The following AJAP1 variants were observed in gnomAD, a reference collection of about 807,000 sequenced individuals.
AJAP1 encodes the protein adherens junctions associated protein 1, also known as adherens junction-associated protein 1.
Under a neutral mutation model 35.0 loss-of-function variants are expected in AJAP1, and 5 were observed. That is an observed-to-expected ratio of 0.14 (90% CI 0.07 to 0.30). AJAP1 has a LOEUF of 0.30. Ranked by LOEUF, AJAP1 falls within the 10% of genes least tolerant of loss-of-function variation. AJAP1 has a pLI of 1.00. For missense variants in AJAP1, 586 were observed against 571.0 expected, an observed-to-expected ratio of 1.03 and a Z score of -0.27; for synonymous variants, 284 against 249.3, an observed-to-expected ratio of 1.14 and a Z score of -1.31.
At chr1:4,750,742 G>A (rs772070793) in intron 2 of AJAP1, among the ~76,000 whole-genome samples, 1 of 151,348 alleles carries the variant, frequency 6.6e-6, no homozygotes, top group South Asian at 2.1e-4. Context: ...TGTCACCTTG[G>A]GAAGAAGACC....
chr1:4,737,843 C>A (rs76988149), intron 2 of AJAP1, among the ~76,000 whole-genome samples: 13,143 of 152,240 alleles, frequency 0.086, 690 homozygotes, highest in South Asian at 0.17. Flanking sequence ...TTGAGGCTGC[C>A]GTGAACCATG....
intron 2 of AJAP1, among the ~76,000 whole-genome samples, chr1:4,732,813 G>A (rs1256365003): frequency 6.6e-6 from 1 of 152,250 alleles, no homozygotes; most frequent in Non-Finnish European, 1.5e-5. Context: ...AGACCAGAGA[G>A]GTGAGAGAAG....
intron 1 of AJAP1, among the ~76,000 whole-genome samples, chr1:4,659,783 G>A (rs1378029666): frequency 1.3e-5 from 2 of 152,276 alleles, no homozygotes; most frequent in Admixed American, 1.3e-4. Context: ...CCAAATTGAG[G>A]ACTAGCTAAA....
chr1:4,707,967 T>C (rs1489768386), intron 1 of AJAP1, among the ~76,000 whole-genome samples: 1 of 115,724 alleles, frequency 8.6e-6, no homozygotes, highest in Non-Finnish European at 1.8e-5. Flanking sequence ...CGGTACGTTT[T>C]TTTTTTGTTT....
rs567804140 is a variant in AJAP1 at position 4,778,812 on chromosome 1, C to T, written c.*60-3733C>T. Among the ~76,000 whole-genome samples the T allele has an allele frequency of 2.0e-5, 3 of 152,276 alleles. No homozygotes were observed. The South Asian group carries it at 6.2e-4, about 32-fold the overall frequency. On this transcript the variant is annotated intron_variant, in intron 5 of 5. Transcript: ENST00000378191. Reference sequence around the variant, plus strand: ...TCAGCATCTACCTGCAGGCAGTCCCCAGAGGTTGTTTCATGCCATTAGGGA... The same window carrying T: ...TCAGCATCTACCTGCAGGCAGTCCCTAGAGGTTGTTTCATGCCATTAGGGA...
At chr1:4,701,119 G>A (rs1221745049) in intron 1 of AJAP1, among the ~76,000 whole-genome samples, 1 of 152,212 alleles carries the variant, frequency 6.6e-6, no homozygotes, top group African/African-American at 2.4e-5. Context: ...AAGCACCTGC[G>A]AAGGCTGTCG....
chr1:4,758,753 T>C (rs925211678), intron 2 of AJAP1, among the ~76,000 whole-genome samples: 42 of 152,174 alleles, frequency 2.8e-4, no homozygotes, highest in African/African-American at 9.7e-4. Flanking sequence ...AACCCTGTGC[T>C]GGAGAGTGTG....
chr1:4,773,434 C>T (rs1337431875), intron 4 of AJAP1, among the ~76,000 whole-genome samples: 3 of 152,182 alleles, frequency 2.0e-5, no homozygotes, highest in Non-Finnish European at 2.9e-5. Context: ...GTTAATGTGT[C>T]TTTGTCCTGT....
chr1:4,772,805 C>T (rs922836167), intron 4 of AJAP1, among the ~76,000 whole-genome samples: 2 of 152,188 alleles, frequency 1.3e-5, no homozygotes, highest in African/African-American at 4.8e-5. Context: ...TCCCAGCCCT[C>T]GCTCTGAACC....
At chr1:4,665,890 G>T (rs1639104785) in intron 1 of AJAP1, among the ~76,000 whole-genome samples, 1 of 152,226 alleles carries the variant, frequency 6.6e-6, no homozygotes, top group Non-Finnish European at 1.5e-5. Context: ...AGAAGGAGAT[G>T]GGGAAGGTTT....
chr1:4,662,978 C>A (rs1471213593), intron 1 of AJAP1, among the ~76,000 whole-genome samples: 3 of 152,092 alleles, frequency 2.0e-5, no homozygotes. Flanking sequence ...TGTGCCTACT[C>A]CCCTGCACGT....
intron 2 of AJAP1, among the ~76,000 whole-genome samples, chr1:4,729,787 T>C (rs1298947732): frequency 6.6e-6 from 1 of 152,178 alleles, no homozygotes; most frequent in Non-Finnish European, 1.5e-5. Flanking sequence ...AGCATATTCA[T>C]TTGGGGGTGC....
intron 1 of AJAP1, among the ~76,000 whole-genome samples, chr1:4,697,388 G>A (rs1374879941): frequency 6.6e-6 from 1 of 152,240 alleles, no homozygotes; most frequent in African/African-American, 2.4e-5. Context: ...TCCAACAGAG[G>A]CCCTGGCCAG....
At position 4,782,902 on chromosome 1, in the gene AJAP1, T is replaced by C; in HGVS notation, c.*417T>C. On this transcript the variant is annotated 3_prime_UTR_variant, in exon 6 of 6. Transcript: ENST00000378191. This position sits in a 1 kb window ranked among gnomAD's most constrained non-coding sequence, Gnocchi z 5.3. ...AATAATACCATTATGTGCCATGTAC[T>C]GACCCGAAAGGCTCGGCCGCAGAGC... 3 of 398,602 alleles carry C rather than the reference T, an allele frequency of 7.5e-6. No individual in the cohort carries two copies. The highest frequency in any genetic ancestry group is 1.3e-5 in the Non-Finnish European group (3 of 226,060). 24.7% of individuals were successfully genotyped at this position (398,602 alleles called of 1,614,324 possible).
chr1:4,745,024 G>A (rs930122895), intron 2 of AJAP1, among the ~76,000 whole-genome samples: 16 of 152,146 alleles, frequency 1.1e-4, no homozygotes, highest in Non-Finnish European at 2.1e-4. Context: ...CCACTGCACC[G>A]AGGAAGGAAG....
rs1312170126 is a variant in AJAP1, at chr1:4,723,278, C to T, written c.829+10579C>T. 6.6e-6 allele frequency among the ~76,000 whole-genome samples: 1 copy of T among 152,298 alleles called. No homozygotes were observed. ...CTCTTGTGACATCCAGCCACCCTGG[C>T]GGCCGTCCAAGGGGAGCGCCTGTGG... is the stretch of plus-strand genomic sequence containing the variant. On this transcript the variant is annotated intron_variant, in intron 2 of 5. Coordinates refer to ENST00000378191, the MANE Select transcript of AJAP1 (RefSeq NM_018836.4). The surrounding 1 kb of genome is among the most constrained non-coding windows in gnomAD (Gnocchi z 4.3).
Position 4,655,791 on chromosome 1 carries a change from T to C in AJAP1, c.29+337T>C, listed in dbSNP as rs1638866478. ...TGGCCGGCTGCCCCGGCGCGCCTCCTCCCCGGGGCCCGGGGCGAGGCGCCG... is the reference window on the plus strand; with the variant it reads ...TGGCCGGCTGCCCCGGCGCGCCTCCCCCCCGGGGCCCGGGGCGAGGCGCCG... On this transcript the variant is annotated intron_variant, in intron 1 of 5. Coordinates refer to ENST00000378191, the MANE Select transcript of AJAP1 (RefSeq NM_018836.4). This position sits in a 1 kb window ranked among gnomAD's most constrained non-coding sequence, Gnocchi z 6.9. Among the ~76,000 whole-genome samples, 1 of 146,052 alleles carries C rather than the reference T, an allele frequency of 6.8e-6. No individual in the cohort carries two copies. Among genetic ancestry groups the C allele is most frequent in the Non-Finnish European group, 1.5e-5 (1 of 66,152 alleles).
chr1:4,714,571 C>T (rs1357108130), intron 2 of AJAP1, among the ~76,000 whole-genome samples: 2 of 152,180 alleles, frequency 1.3e-5, no homozygotes, highest in East Asian at 3.8e-4. Flanking sequence ...AATTAATTCA[C>T]AGTGCATTGG....
rs143325063 is a variant in AJAP1, at chr1:4,700,455, G to A, written c.30-11445G>A. ...CCCACCCCAGAGGATCCTCATGTGA[G>A]GCCCAGGCTGAGAACCTCTCCTTGG... On this transcript the variant is annotated intron_variant, in intron 1 of 5. Coordinates refer to ENST00000378191, the MANE Select transcript of AJAP1 (RefSeq NM_018836.4). 1.1e-3 allele frequency among the ~76,000 whole-genome samples: 170 copies of A among 152,236 alleles called. 1 individual carries two copies. The highest frequency in any genetic ancestry group is 3.8e-3 in the African/African-American group (156 of 41,548).
Sources: allele counts gnomAD v4.1 joint callset (sites outside exome capture counted in the v4.1 genomes callset), GRCh38; gene constraint gnomAD v4.1.1; non-coding constraint Gnocchi (gnomAD v3.1); transcripts MANE v1.5; gene names NCBI Gene and HGNC (gene_info 2026-07-23, HGNC 2026-07-21).